ANKRD30B: variants seen among roughly 807,000 people sequenced by gnomAD.
The protein encoded by ANKRD30B is ankyrin repeat domain-containing protein 30B.
ANKRD30B carries 144 observed loss-of-function variants against 202.2 expected under a neutral mutation model. The ratio of observed to expected loss-of-function variants is 0.71; its 90% CI spans 0.62 to 0.82. ANKRD30B has a LOEUF of 0.82. Among genes scored for constraint, ANKRD30B ranks in the 40% least tolerant of loss-of-function variants. ANKRD30B has a pLI of 0.00. For synonymous variants in ANKRD30B, 508 were observed against 561.3 expected (o/e 0.91, Z 1.34); for missense variants, 1,487 against 1,669.1 (o/e 0.89, Z 1.90).
intron 10 of ANKRD30B, among the ~76,000 whole-genome samples, chr18:14,779,571 TAGTC>T (rs1568001985): frequency 6.6e-6 from 1 of 152,188 alleles, no homozygotes; most frequent in African/African-American, 2.4e-5. Flanking sequence ...AAAGATTGCT[TAGTC>T]AATCAAACTA....
chr18:14,904,545 A>G, the ANKRD30B span, among the ~76,000 whole-genome samples: 1 of 149,588 alleles, frequency 6.7e-6, no homozygotes, highest in Non-Finnish European at 1.5e-5. Context: ...CTATTCCTCA[A>G]CTCCCCATTT....
intron 3 of ANKRD30B, among the ~76,000 whole-genome samples, chr18:14,753,447 C>T (rs1913799835): frequency 1.3e-5 from 2 of 152,108 alleles, no homozygotes; most frequent in Admixed American, 1.3e-4. Flanking sequence ...AACGTTCTAG[C>T]TTTACACAAA....
the ANKRD30B span, among the ~76,000 whole-genome samples, chr18:14,937,395 A>T: frequency 8.8e-5 from 11 of 124,460 alleles, no homozygotes; most frequent in East Asian, 2.7e-3. Context: ...TAGCCAGTTC[A>T]TATAAGCAAA....
In ANKRD30B at chr18:14,757,863, C is replaced by T; in HGVS notation, c.666C>T (p.Gly222=). The T allele has an allele frequency of 1.2e-6, 2 of 1,613,840 alleles. No homozygotes were observed. The highest frequency in any genetic ancestry group is 1.7e-6 in the Non-Finnish European group (2 of 1,179,896). Residue 222 remains glycine (G), a synonymous_variant, in exon 5 of 44, where the codon GGC becomes GGT. Coordinates refer to ENST00000690538, the MANE Select transcript of ANKRD30B (RefSeq NM_001367607.2). ...GTGAAGGCTCATCAGAGATAGTCGG[C>T]ATGCTTCTTCAGCAAAATGTTGACG... ...AICEGSSEIV[G]MLLQQNVDVF...
chr18:14,865,597 C>T, the ANKRD30B span, among the ~76,000 whole-genome samples: 6 of 151,480 alleles, frequency 4.0e-5, no homozygotes, highest in East Asian at 5.9e-4. Flanking sequence ...CCCTGTTTTT[C>T]CCCCTCCATC....
At chr18:14,832,088 G>T (rs1021404666) in intron 34 of ANKRD30B, among the ~76,000 whole-genome samples, 9 of 152,066 alleles carry the variant, frequency 5.9e-5, no homozygotes, top group African/African-American at 2.2e-4. Flanking sequence ...ATTTATTTGG[G>T]CATGATGGTG....
intron 30 of ANKRD30B, among the ~76,000 whole-genome samples, chr18:14,819,866 G>T (rs1158933367): frequency 6.6e-6 from 1 of 152,086 alleles, no homozygotes; most frequent in Non-Finnish European, 1.5e-5. Flanking sequence ...GGTTCCATAT[G>T]AACTTTAAAG....
At chr18:14,875,949 A>G in the ANKRD30B span, among the ~76,000 whole-genome samples, 1 of 152,150 alleles carries the variant, frequency 6.6e-6, no homozygotes, top group African/African-American at 2.4e-5. Context: ...ACATCATAGT[A>G]GAGGCCCCAT....
chr18:14,860,402 C>A, the ANKRD30B span, among the ~76,000 whole-genome samples: 1 of 118,288 alleles, frequency 8.5e-6, no homozygotes, highest in Non-Finnish European at 1.8e-5. Context: ...CGGGCAGAGG[C>A]GCTCCTCACC....
At chr18:14,901,620 G>A in the ANKRD30B span, among the ~76,000 whole-genome samples, 2 of 147,128 alleles carry the variant, frequency 1.4e-5, no homozygotes, top group East Asian at 4.0e-4. Flanking sequence ...AAAATATATT[G>A]TTGTGAGCAA....
intron 30 of ANKRD30B, among the ~76,000 whole-genome samples, chr18:14,818,954 T>G (rs1247477295): frequency 6.6e-6 from 1 of 152,042 alleles, no homozygotes; most frequent in Non-Finnish European, 1.5e-5. Context: ...TCCACAATGG[T>G]TGAACTAGTT....
intron 16 of ANKRD30B, among the ~76,000 whole-genome samples, chr18:14,791,739 A>G (rs1426383873): frequency 6.6e-6 from 1 of 152,140 alleles, no homozygotes; most frequent in Non-Finnish European, 1.5e-5. Flanking sequence ...AAATGAGAAA[A>G]TAAGAAAGGA....
intron 1 of ANKRD30B, among the ~76,000 whole-genome samples, chr18:14,748,969 C>T (rs1345382901): frequency 1.3e-5 from 2 of 152,222 alleles, no homozygotes; most frequent in Admixed American, 6.5e-5. Context: ...AAATTAAGTA[C>T]ATACAGGGTT....
Position 14,851,731 on chromosome 18 carries a change from T to C in ANKRD30B, c.3787T>C (p.Tyr1263His). ...AACAGTAACAAAAAGGGCATCTCAG[T>C]ATAGAGAGCAGCTTAAAGTTCTGAC... ...QKTVTKRASQ[Y>H]REQLKVLTAE... The change falls in exon 42 of 44, where the codon TAT (tyrosine) becomes CAT (histidine). Residue 1263 changes from tyrosine to histidine, a missense_variant. Transcript: ENST00000690538. 6.2e-7 allele frequency: 1 copy of C among 1,606,644 alleles called. No homozygotes were observed. The highest frequency in any genetic ancestry group is 8.5e-7 in the Non-Finnish European group (1 of 1,176,932).
At chr18:14,790,524 G>T (rs1437557149) in intron 15 of ANKRD30B, among the ~76,000 whole-genome samples, 5 of 152,116 alleles carry the variant, frequency 3.3e-5, no homozygotes, top group African/African-American at 4.8e-5. Context: ...TTGGCTGTGG[G>T]TTTGTCATAG....
intron 1 of ANKRD30B, among the ~76,000 whole-genome samples, chr18:14,750,943 T>C (rs1374100509): frequency 1.3e-5 from 2 of 152,068 alleles, no homozygotes; most frequent in East Asian, 3.8e-4. Flanking sequence ...GATTTCTGCA[T>C]TGAGCATGTA....
At chr18:14,843,892 G>GGCTTTGTGTCTTTTCATT (rs1318828302) in intron 39 of ANKRD30B, among the ~76,000 whole-genome samples, 46 of 152,052 alleles carry the variant, frequency 3.0e-4, no homozygotes, top group Non-Finnish European at 6.6e-4. Context: ...TGAAGCATTT[G>GGCTTTGTGTCTTTTCATT]GCTTTGTGTC....
chr18:14,748,805 G>A (rs1373872487), intron 1 of ANKRD30B, among the ~76,000 whole-genome samples, 165 bp downstream of exon 1: 2 of 152,116 alleles, frequency 1.3e-5, no homozygotes, highest in Non-Finnish European at 2.9e-5. Flanking sequence ...CCTTCTTCCC[G>A]GTCAGGCCCC....
At chr18:14,880,469 C>G in the ANKRD30B span, among the ~76,000 whole-genome samples, 3 of 151,790 alleles carry the variant, frequency 2.0e-5, no homozygotes, top group African/African-American at 7.3e-5. Context: ...TTGCCTTTAA[C>G]AGAATGGTAA....
Sources: gnomAD v4.1 joint callset for allele counts (sites outside exome capture counted in the v4.1 genomes callset) on GRCh38, gnomAD v4.1.1 for gene constraint, MANE v1.5 for transcripts, NCBI Gene and HGNC (gene_info 2026-07-23, HGNC 2026-07-21) for gene names.